The following NBEA variants were observed in gnomAD, a reference collection of about 807,000 sequenced individuals.
NBEA encodes the protein lysosomal-trafficking regulator 2.
NBEA carries 44 observed loss-of-function variants against 343.4 expected under a neutral mutation model. The observed-to-expected ratio is 0.13, with a 90% CI of 0.10 to 0.16. The LOEUF (loss-of-function observed/expected upper bound fraction) is 0.16, where lower values mean the gene tolerates loss of function less well. NBEA is among the 10% of genes least tolerant of loss of function. The probability of loss-of-function intolerance (pLI) is 1.00; values close to 1 mark genes in which losing one functional copy is unlikely to be tolerated. For synonymous variants in NBEA, 1,175 were observed against 1,238.7 expected (o/e 0.95, Z 1.08); for missense variants, 2,555 against 3,631.3 (o/e 0.70, Z 7.62).
intron 35 of NBEA, among the ~76,000 whole-genome samples, chr13:35,301,613 C>T (rs1185616913): frequency 1.3e-5 from 2 of 152,102 alleles, no homozygotes; most frequent in Admixed American, 6.6e-5. Context: ...GTTGGTTCCA[C>T]ATCTTTGCTA....
chr13:35,255,755 T>C (rs9593030), intron 34 of NBEA, among the ~76,000 whole-genome samples: 2,300 of 152,314 alleles, frequency 0.015, 53 homozygotes, highest in African/African-American at 0.052. Flanking sequence ...TCTCTCCTCA[T>C]CACCCACAGT....
At chr13:35,656,855 A>G (rs2084835043) in intron 55 of NBEA, among the ~76,000 whole-genome samples, 1 of 152,240 alleles carries the variant, frequency 6.6e-6, no homozygotes, top group African/African-American at 2.4e-5. Flanking sequence ...CAACAGAGAT[A>G]AAAATTTTTC....
At chr13:35,497,683 G>A (rs2076733211) in intron 41 of NBEA, among the ~76,000 whole-genome samples, 1 of 151,982 alleles carries the variant, frequency 6.6e-6, no homozygotes, top group South Asian at 2.1e-4. Flanking sequence ...ACAAAAATGA[G>A]GAAGACATGT....
intron 36 of NBEA, among the ~76,000 whole-genome samples, chr13:35,343,555 C>A (rs2152858576): frequency 6.6e-6 from 1 of 152,190 alleles, no homozygotes; most frequent in African/African-American, 2.4e-5. Context: ...AGGAACCAGG[C>A]AGCACAGTAG....
chr13:35,423,061 T>C (rs968888588), intron 38 of NBEA, among the ~76,000 whole-genome samples: 4 of 152,208 alleles, frequency 2.6e-5, no homozygotes, highest in Non-Finnish European at 5.9e-5. Context: ...CTTTGTCAGA[T>C]GAGTAGGTTG....
At chr13:35,439,538 C>T (rs1443972413) in intron 39 of NBEA, among the ~76,000 whole-genome samples, 1 of 152,126 alleles carries the variant, frequency 6.6e-6, no homozygotes, top group Non-Finnish European at 1.5e-5. Context: ...TGACAAGTCA[C>T]TTCATAAAGG....
chr13:35,179,751 G>C, intron 28 of NBEA: 2 of 984,006 alleles, frequency 2.0e-6, no homozygotes, highest in Non-Finnish European at 2.4e-6. Flanking sequence ...AGTATTATGG[G>C]ATATTATGGT....
At chr13:35,468,870 A>T (rs1027753748) in intron 40 of NBEA, among the ~76,000 whole-genome samples, 2 of 152,132 alleles carry the variant, frequency 1.3e-5, no homozygotes, top group African/African-American at 2.4e-5. Flanking sequence ...ATGCCAAGCC[A>T]GGTGGATCAA....
At chr13:35,549,844 G>C (rs1272667754) in intron 41 of NBEA, among the ~76,000 whole-genome samples, 1 of 152,234 alleles carries the variant, frequency 6.6e-6, no homozygotes, top group African/African-American at 2.4e-5. Context: ...CCATGGGTCA[G>C]CCAAACTCTG....
chr13:35,063,651 T>C (rs1037833547), intron 8 of NBEA, among the ~76,000 whole-genome samples: 1 of 152,018 alleles, frequency 6.6e-6, no homozygotes, highest in African/African-American at 2.4e-5. Flanking sequence ...GTTTTCAGCC[T>C]GATACCAATT....
chr13:34,986,372 T>C (rs1889828415), intron 1 of NBEA, among the ~76,000 whole-genome samples: 1 of 151,064 alleles, frequency 6.6e-6, no homozygotes, highest in South Asian at 2.1e-4. Flanking sequence ...TCCTGAGTTC[T>C]AGTTTGATTG....
At chr13:35,173,654 T>C in intron 27 of NBEA, 60 bp downstream of exon 27, 1 of 1,524,322 alleles carries the variant, frequency 6.6e-7, no homozygotes. Flanking sequence ...TTTTTTAAGT[T>C]GATGAGAACA....
chr13:35,272,559 G>C (rs1397923573), intron 34 of NBEA, among the ~76,000 whole-genome samples: 1 of 152,084 alleles, frequency 6.6e-6, no homozygotes, highest in Non-Finnish European at 1.5e-5. Flanking sequence ...ACACAGACTG[G>C]CAAATTGGAT....
At chr13:35,512,323 A>T (rs1026703686) in intron 41 of NBEA, among the ~76,000 whole-genome samples, 3 of 152,250 alleles carry the variant, frequency 2.0e-5, no homozygotes, top group African/African-American at 7.2e-5. Context: ...AAACCTGAAT[A>T]GCAGAAACTG....
chr13:35,299,677 A>AAAAGGT (rs2036399867), intron 35 of NBEA, among the ~76,000 whole-genome samples: 1 of 152,212 alleles, frequency 6.6e-6, no homozygotes, highest in Non-Finnish European at 1.5e-5. Flanking sequence ...CCATGAAAAT[A>AAAAGGT]AAAGGTTGTT....
At chr13:35,184,312 A>G (rs1334297295) in intron 30 of NBEA, among the ~76,000 whole-genome samples, 1 of 152,062 alleles carries the variant, frequency 6.6e-6, no homozygotes, top group East Asian at 1.9e-4. Context: ...GTATATTAAT[A>G]TGCATAGTGG....
intron 44 of NBEA, among the ~76,000 whole-genome samples, chr13:35,563,889 C>G (rs1215730995): frequency 6.7e-6 from 1 of 148,236 alleles, no homozygotes; most frequent in Non-Finnish European, 1.5e-5. Flanking sequence ...TTTTTTTTAA[C>G]TTTTATTTTA....
chr13:35,331,195 C>T (rs7991208), intron 36 of NBEA, among the ~76,000 whole-genome samples: 2,597 of 152,092 alleles, frequency 0.017, 49 homozygotes, highest in African/African-American at 0.042. Flanking sequence ...TTTTTAGTGA[C>T]ACCAGAAACT....
At chr13:35,641,627 A>G (rs2083953367) in intron 49 of NBEA, among the ~76,000 whole-genome samples, 1 of 152,176 alleles carries the variant, frequency 6.6e-6, no homozygotes, top group African/African-American at 2.4e-5. Context: ...AAAATAATTG[A>G]TGATAAACAT....
Sources: gnomAD v4.1 joint callset for allele counts (sites outside exome capture counted in the v4.1 genomes callset) on GRCh38, gnomAD v4.1.1 for gene constraint, MANE v1.5 for transcripts, NCBI Gene and HGNC (gene_info 2026-07-23, HGNC 2026-07-21) for gene names.